Variants in ELFN2 observed in about 807,000 individuals in gnomAD.
ELFN2 encodes extracellular leucine rich repeat and fibronectin type III domain containing 2.
In ELFN2, 17 loss-of-function variants were observed where a neutral mutation model predicts 45.5. That is an observed-to-expected ratio of 0.37 (90% CI 0.26 to 0.56). The LOEUF (loss-of-function observed/expected upper bound fraction) is 0.56. Among genes scored for constraint, ELFN2 ranks in the 20% least tolerant of loss-of-function variants. The pLI, the probability that ELFN2 is intolerant of heterozygous loss-of-function variation, is 0.77. For synonymous variants in ELFN2, 550 were observed against 551.5 expected, an observed-to-expected ratio of 1.00 and a Z score of 0.04; for missense variants, 922 against 1,183.2, an observed-to-expected ratio of 0.78 and a Z score of 3.24.
chr22:37,403,617 A>G (rs757935648), intron 2 of ELFN2, among the ~76,000 whole-genome samples: 2 of 152,178 alleles, frequency 1.3e-5, no homozygotes, highest in African/African-American at 2.4e-5. Flanking sequence ...CGAGGGGCTG[A>G]CATTCGCCCC....
chr22:37,375,993 G>T lies in ELFN2; in HGVS notation c.-459C>A, dbSNP rs1931574870. The T allele has an allele frequency of 5.3e-6, 1 of 189,856 alleles. No individual in the cohort carries two copies. The highest frequency in any genetic ancestry group is 1.7e-4 in the East Asian group (1 of 6,016). The allele number at this position is 189,856 out of a possible 1,614,324, so 11.8% of individuals were successfully genotyped here. A position where few individuals can be genotyped will look rare whatever the true frequency, so the allele number is the denominator to read the frequency against. ...GAAGGAAGAGACCCATCTGCACCTG[G>T]TTCCTGAAAGGCAGCATCGAGAGCG... On this transcript the variant is annotated 5_prime_UTR_variant, in exon 3 of 3. Coordinates refer to ENST00000402918, the MANE Select transcript of ELFN2 (RefSeq NM_052906.5).
chr22:37,396,360 A>C (rs1022803262), intron 2 of ELFN2, among the ~76,000 whole-genome samples: 3 of 152,188 alleles, frequency 2.0e-5, no homozygotes, highest in Non-Finnish European at 4.4e-5. Flanking sequence ...CCGGCCCCCA[A>C]CATGGGGCCA....
chr22:37,388,399 G>A (rs1037503167), intron 2 of ELFN2, among the ~76,000 whole-genome samples: 10 of 152,162 alleles, frequency 6.6e-5, no homozygotes, highest in African/African-American at 2.4e-4. Flanking sequence ...CCGAGGAAGG[G>A]TCCTGCTTCT....
chr22:37,373,245 C>G lies in ELFN2; in HGVS notation c.2290G>C (p.Glu764Gln), dbSNP rs754011945. 111 of 1,613,764 alleles carry G rather than the reference C, an allele frequency of 6.9e-5. No homozygotes were observed. Among genetic ancestry groups the G allele is most frequent in the Non-Finnish European group, 9.2e-5 (109 of 1,180,014 alleles). The change falls in exon 3 of 3, where the codon GAG (glutamate) becomes CAG (glutamine). Residue 764 changes from glutamate to glutamine, a missense_variant. Around this residue, in one of 2 missense-constraint regions of ELFN2, gnomAD observed 564 missense variants for 642.8 expected, o/e 0.88. Transcript: ENST00000402918. ...GYSSSPEYSSESTHKIWERFR... is the reference protein window; with the variant it reads ...GYSSSPEYSSQSTHKIWERFR... Reference sequence around the variant, plus strand: ...CGCTCCCAGATCTTGTGCGTGCTCTCGGATGAGTACTCGGGGCTGGAGGAG... The same window carrying G: ...CGCTCCCAGATCTTGTGCGTGCTCTGGGATGAGTACTCGGGGCTGGAGGAG...
At chr22:37,346,797 C>T (rs11912208) in intron 1 of ELFN2, among the ~76,000 whole-genome samples, 3,534 of 152,094 alleles carry the variant, frequency 0.023, 136 homozygotes, top group African/African-American at 0.081. Context: ...CACACATGCA[C>T]GCAGACTGTA....
chr22:37,353,250 C>T (rs981560620), intron 1 of ELFN2: 1 of 151,162 alleles, frequency 6.6e-6, no homozygotes, highest in African/African-American at 2.4e-5. Context: ...GAATTAGGTC[C>T]TCAGGGAAAG....
intron 2 of ELFN2, among the ~76,000 whole-genome samples, chr22:37,412,534 G>A (rs530505146): frequency 9.2e-5 from 14 of 152,168 alleles, no homozygotes; most frequent in Admixed American, 2.0e-4. Flanking sequence ...CCCAGGCCAC[G>A]CCTCAGCCCC....
chr22:37,398,518 CCTAA>C (rs1473861790), intron 2 of ELFN2, among the ~76,000 whole-genome samples: 1 of 151,790 alleles, frequency 6.6e-6, no homozygotes, highest in African/African-American at 2.4e-5. Flanking sequence ...ACAGCAGTCT[CCTAA>C]CTGACTGTCG....
chr22:37,351,624 T>C (rs1930823304), intron 1 of ELFN2, among the ~76,000 whole-genome samples: 1 of 149,406 alleles, frequency 6.7e-6, no homozygotes, highest in Admixed American at 6.7e-5. Context: ...GTTCAAGGCT[T>C]GGAGAAAAGA....
intron 2 of ELFN2, among the ~76,000 whole-genome samples, chr22:37,392,603 C>T (rs887829445): frequency 2.0e-5 from 3 of 152,192 alleles, no homozygotes; most frequent in South Asian, 2.1e-4. Context: ...CAGGTGTAAG[C>T]CACCGCGCCC....
intron 1 of ELFN2, among the ~76,000 whole-genome samples, chr22:37,345,589 C>A (rs1195084394): frequency 6.6e-6 from 1 of 150,714 alleles, no homozygotes; most frequent in East Asian, 1.9e-4. Flanking sequence ...ACTCTGTCAC[C>A]CAGGCTGGAG....
intron 1 of ELFN2, among the ~76,000 whole-genome samples, chr22:37,349,027 A>G (rs1930761046): frequency 6.6e-6 from 1 of 151,156 alleles, no homozygotes; most frequent in East Asian, 1.9e-4. Flanking sequence ...TCATGTCAGC[A>G]GGGCAGCCCA....
chr22:37,345,590 C>T (rs1226542585), intron 1 of ELFN2, among the ~76,000 whole-genome samples: 1 of 150,166 alleles, frequency 6.7e-6, no homozygotes, highest in Admixed American at 6.6e-5. Flanking sequence ...CTCTGTCACC[C>T]AGGCTGGAGT....
At position 37,413,940 on chromosome 22, in the gene ELFN2, G is replaced by A. The variant is rs1932718187; in HGVS notation, c.-463+3829C>T. On this transcript the variant is annotated intron_variant, in intron 2 of 2. Coordinates refer to ENST00000402918, the MANE Select transcript of ELFN2 (RefSeq NM_052906.5). The stretch of plus-strand genomic sequence containing the variant: ...GTATACAGCAGCAGAAGACAGCACT[G>A]GACCTCGAGTCAAATGCCCGGCGTG... 3.3e-5 allele frequency among the ~76,000 whole-genome samples: 5 copies of A among 152,314 alleles called. No individual in the cohort carries two copies. The South Asian group carries it at 1.0e-3, about 32-fold the overall frequency.
intron 1 of ELFN2, among the ~76,000 whole-genome samples, chr22:37,362,868 T>C (rs1025268533): frequency 6.6e-6 from 1 of 152,208 alleles, no homozygotes; most frequent in East Asian, 1.9e-4. Context: ...ACAGATCAGA[T>C]GCTCTTCTGA....
At position 37,373,840 on chromosome 22, in the gene ELFN2, G is replaced by T; in HGVS notation, c.1695C>A (p.Gly565=). 2 of 1,613,072 alleles carry T rather than the reference G, an allele frequency of 1.2e-6. No homozygotes were observed. The highest frequency in any genetic ancestry group is 1.7e-6 in the Non-Finnish European group (2 of 1,179,938). The change falls in exon 3 of 3, where the codon GGC becomes GGA. Residue 565 remains glycine (G), a synonymous_variant. Coordinates refer to ENST00000402918, the MANE Select transcript of ELFN2 (RefSeq NM_052906.5). Reference sequence around the variant, plus strand: ...GCTCGGGGTCCCCACTGCTGCTGCCGCCTCCCAGAAAAGAGGCCGAGTCCA... The same window carrying T: ...GCTCGGGGTCCCCACTGCTGCTGCCTCCTCCCAGAAAAGAGGCCGAGTCCA... ...LKLDSASFLG[G]GSSSGDPELA...
chr22:37,380,493 C>A (rs1170610412), intron 2 of ELFN2, among the ~76,000 whole-genome samples: 1 of 152,206 alleles, frequency 6.6e-6, no homozygotes, highest in Non-Finnish European at 1.5e-5. Context: ...TGCAGGGACA[C>A]CCGTCAGCTC....
chr22:37,415,456 C>T (rs1398989117), intron 2 of ELFN2, among the ~76,000 whole-genome samples: 1 of 152,124 alleles, frequency 6.6e-6, no homozygotes, highest in Non-Finnish European at 1.5e-5. Context: ...AGAGAGGGAG[C>T]CTGCCACACC....
chr22:37,391,262 C>T (rs1260104505), intron 2 of ELFN2, among the ~76,000 whole-genome samples: 2 of 152,184 alleles, frequency 1.3e-5, no homozygotes, highest in African/African-American at 4.8e-5. Context: ...TTTACATCCA[C>T]CTTCTGCCTG....
Sources: gnomAD v4.1 joint callset for allele counts (sites outside exome capture counted in the v4.1 genomes callset) on GRCh38, gnomAD v4.1.1 for gene constraint, gnomAD v4.1.1 regional missense constraint, MANE v1.5 for transcripts, NCBI Gene and HGNC (gene_info 2026-07-23, HGNC 2026-07-21) for gene names.